Variants in SYT9 observed in about 807,000 individuals in gnomAD.
SYT9 encodes synaptotagmin 9.
A neutral mutation model predicts 48.4 loss-of-function variants in SYT9; 22 were observed. The observed-to-expected ratio is 0.45, with a 90% confidence interval of 0.32 to 0.65. The LOEUF (loss-of-function observed/expected upper bound fraction) is 0.65, where lower values mean the gene tolerates loss of function less well. SYT9 is among the 30% of genes least tolerant of loss of function. The pLI is 0.03. For missense variants in SYT9, 577 were observed against 622.0 expected (o/e 0.93, Z 0.77); for synonymous variants, 265 against 245.0 (o/e 1.08, Z -0.76).
chr11:7,362,456 A>G (rs1365632590), intron 3 of SYT9, among the ~76,000 whole-genome samples: 1 of 152,008 alleles, frequency 6.6e-6, no homozygotes, highest in Admixed American at 6.6e-5. Context: ...CCACCTATAT[A>G]TTTGTGTCCA....
chr11:7,394,413 G>T (rs927620186), intron 3 of SYT9, among the ~76,000 whole-genome samples: 1 of 152,006 alleles, frequency 6.6e-6, no homozygotes. Context: ...ATAGTGCCGT[G>T]ATAAACATAC....
intron 1 of SYT9, among the ~76,000 whole-genome samples, chr11:7,260,315 C>T (rs533655107): frequency 6.6e-6 from 1 of 152,238 alleles, no homozygotes; most frequent in South Asian, 2.1e-4. Flanking sequence ...AGGCTTCCTA[C>T]AGAAGTCTAT....
At chr11:7,404,481 G>T (rs956590795) in intron 3 of SYT9, among the ~76,000 whole-genome samples, 4 of 151,348 alleles carry the variant, frequency 2.6e-5, no homozygotes, top group Admixed American at 2.6e-4. Context: ...TTTTATTTTA[G>T]CCAATTCTTT....
At chr11:7,350,638 T>G (rs79201636) in intron 3 of SYT9, among the ~76,000 whole-genome samples, 3,769 of 152,272 alleles carry the variant, frequency 0.025, 117 homozygotes, top group African/African-American at 0.067. Flanking sequence ...AGGCTTATGT[T>G]AGAGCTCATT....
chr11:7,302,369 C>T lies in SYT9; in HGVS notation c.146-670C>T. Among the ~76,000 whole-genome samples, 2 of 152,108 alleles carry T rather than the reference C, an allele frequency of 1.3e-5. 1 individual carries two copies. The highest frequency in any genetic ancestry group is 3.8e-4 in the East Asian group (2 of 5,200). ...ATCACTTCTCCTGTGTTTCCTTCTCCTTCTAAATAATGCTTTTCCCTTTAA... is the reference window on the plus strand; with the variant it reads ...ATCACTTCTCCTGTGTTTCCTTCTCTTTCTAAATAATGCTTTTCCCTTTAA... On this transcript the variant is annotated intron_variant, in intron 1 of 6. Transcript: ENST00000318881.
intron 3 of SYT9, among the ~76,000 whole-genome samples, chr11:7,320,521 T>C (rs771748560): frequency 9.9e-5 from 15 of 152,208 alleles, no homozygotes; most frequent in Non-Finnish European, 1.6e-4. Context: ...GTGCTCAACC[T>C]CTAGAATGGT....
At chr11:7,394,981 G>A (rs1039570383) in intron 3 of SYT9, among the ~76,000 whole-genome samples, 1 of 151,664 alleles carries the variant, frequency 6.6e-6, no homozygotes, top group Non-Finnish European at 1.5e-5. Context: ...TAAAATATGT[G>A]GTTTTGAGAG....
chr11:7,360,089 C>A (rs573006329), intron 3 of SYT9, among the ~76,000 whole-genome samples: 1 of 152,148 alleles, frequency 6.6e-6, no homozygotes, highest in South Asian at 2.1e-4. Flanking sequence ...GTTTTCCCAG[C>A]ACCATTTATT....
intron 3 of SYT9, chr11:7,314,413 G>A (rs1481978793): frequency 4.1e-6 from 1 of 242,440 alleles, no homozygotes; most frequent in Non-Finnish European, 8.5e-6. Context: ...AACCCTACCA[G>A]TGGGAGTGGT....
At chr11:7,333,515 T>C (rs1181147304) in intron 3 of SYT9, among the ~76,000 whole-genome samples, 2 of 152,240 alleles carry the variant, frequency 1.3e-5, no homozygotes, top group Non-Finnish European at 2.9e-5. Context: ...TGAACAGATC[T>C]ATGAATTTGG....
intron 3 of SYT9, among the ~76,000 whole-genome samples, chr11:7,407,581 C>T (rs1847046368): frequency 8.9e-6 from 1 of 111,900 alleles, no homozygotes; most frequent in African/African-American, 5.4e-5. Flanking sequence ...GGGGTTTCAC[C>T]TTGTTAGCCA....
intron 3 of SYT9, among the ~76,000 whole-genome samples, chr11:7,413,436 A>G (rs1355585961): frequency 6.6e-6 from 1 of 152,144 alleles, no homozygotes; most frequent in Non-Finnish European, 1.5e-5. Context: ...TGCAATTTCT[A>G]GGCAGCTCTC....
At chr11:7,253,145 C>T (rs1847904940) in intron 1 of SYT9, among the ~76,000 whole-genome samples, 1 of 152,230 alleles carries the variant, frequency 6.6e-6, no homozygotes, top group Admixed American at 6.5e-5. Flanking sequence ...CCTGAGGTCC[C>T]TGGGTCTCCC....
chr11:7,316,725 G>A (rs746316094), intron 3 of SYT9, among the ~76,000 whole-genome samples: 6 of 152,178 alleles, frequency 3.9e-5, no homozygotes, highest in Non-Finnish European at 7.3e-5. Flanking sequence ...TCATTTGCAC[G>A]TATCACAAAT....
chr11:7,442,886 C>T (rs1006825447), intron 6 of SYT9, among the ~76,000 whole-genome samples: 2 of 152,084 alleles, frequency 1.3e-5, no homozygotes, highest in African/African-American at 2.4e-5. Context: ...CTGTGTACCA[C>T]GCGATGTCCA....
At chr11:7,267,284 A>C (rs1848202230) in intron 1 of SYT9, among the ~76,000 whole-genome samples, 2 of 152,072 alleles carry the variant, frequency 1.3e-5, no homozygotes, top group Non-Finnish European at 1.5e-5. Context: ...TAGAAGTTAT[A>C]GAGTTAAAAT....
At position 7,420,583 on chromosome 11, in the gene SYT9, A is replaced by C; in HGVS notation, c.1415A>C (p.Glu472Ala). Reference sequence around the variant, plus strand: ...AGGCTGGGCAGAGACCACTGGAGTGAAATGTTGTCATATCCTCGGAAGCCC... The same window carrying C: ...AGGCTGGGCAGAGACCACTGGAGTGCAATGTTGTCATATCCTCGGAAGCCC... Reference protein sequence around the residue: ...AERLGRDHWSEMLSYPRKPIA... With the variant: ...AERLGRDHWSAMLSYPRKPIA... The change falls in exon 6 of 7, where the codon GAA (glutamate) becomes GCA (alanine). Residue 472 changes from glutamate to alanine, a missense_variant. Physicochemically the swap from Glu to Ala is moderately radical, Grantham distance 107 (BLOSUM62 -1). Coordinates refer to ENST00000318881, the MANE Select transcript of SYT9 (RefSeq NM_175733.4). The C allele has an allele frequency of 6.2e-7, 1 of 1,614,206 alleles. No homozygotes were observed. The highest frequency in any genetic ancestry group is 8.5e-7 in the Non-Finnish European group (1 of 1,180,022).
At chr11:7,393,328 A>G (rs1846675424) in intron 3 of SYT9, among the ~76,000 whole-genome samples, 1 of 147,598 alleles carries the variant, frequency 6.8e-6, no homozygotes, top group Non-Finnish European at 1.5e-5. Flanking sequence ...GTAATGTTGA[A>G]TTTTATCTAA....
chr11:7,370,034 T>C (rs1850333646), intron 3 of SYT9, among the ~76,000 whole-genome samples: 1 of 152,086 alleles, frequency 6.6e-6, no homozygotes, highest in African/African-American at 2.4e-5. Flanking sequence ...TTTTTAGTCT[T>C]CTATCGCTCA....
Sources: allele counts gnomAD v4.1 joint callset (sites outside exome capture counted in the v4.1 genomes callset), GRCh38; gene constraint gnomAD v4.1.1; transcripts MANE v1.5; gene names NCBI Gene and HGNC (gene_info 2026-07-23, HGNC 2026-07-21).